Variants in IQCE observed in about 807,000 individuals in gnomAD.
IQCE encodes IQ domain-containing protein E.
In IQCE, 115 loss-of-function variants were observed where a neutral mutation model predicts 96.0. That is an observed-to-expected ratio of 1.20 (90% CI 1.03 to 1.40). The LOEUF (loss-of-function observed/expected upper bound fraction) is 1.40, where lower values mean the gene tolerates loss of function less well. Among genes scored for constraint, IQCE ranks in the 40% most tolerant of loss-of-function variants. IQCE has a pLI of 0.00. For synonymous variants in IQCE, 412 were observed against 371.2 expected (o/e 1.11, Z -1.26); for missense variants, 1,041 against 909.1 (o/e 1.15, Z -1.87).
At chr7:2,583,924 TGGGCGGCGGGGC>T (rs1782888136) in intron 10 of IQCE, among the ~76,000 whole-genome samples, 1 of 19,894 alleles carries the variant, frequency 5.0e-5, no homozygotes, top group Admixed American at 7.4e-4. Flanking sequence ...GGCACCGAGC[TGGGCGGCGGGGC>T]GGGCACCGAG....
At chr7:2,600,719 C>T (rs1418489776) in intron 17 of IQCE, among the ~76,000 whole-genome samples, 1 of 152,218 alleles carries the variant, frequency 6.6e-6, no homozygotes, top group Non-Finnish European at 1.5e-5. Flanking sequence ...GGGAAAGATC[C>T]TGTGTACAGT....
intron 3 of IQCE, 39 bp downstream of exon 3, chr7:2,569,038 G>A (rs1164002638): frequency 6.3e-6 from 10 of 1,584,456 alleles, no homozygotes; most frequent in Non-Finnish European, 6.9e-6. Context: ...TCACGCCGAC[G>A]TTCCCTGGTG....
chr7:2,570,702 TC>T (rs1320108036), intron 3 of IQCE, among the ~76,000 whole-genome samples: 1 of 152,220 alleles, frequency 6.6e-6, no homozygotes, highest in Non-Finnish European at 1.5e-5. Flanking sequence ...ACGTTTATTA[TC>T]TTTTTTATAC....
At chr7:2,605,432 A>G (rs1029010510) in intron 19 of IQCE, among the ~76,000 whole-genome samples, 1 of 152,054 alleles carries the variant, frequency 6.6e-6, no homozygotes, top group African/African-American at 2.4e-5. Context: ...CATCCTGGCT[A>G]ACATGGTGAA....
chr7:2,588,200 G>A (rs1334399761), intron 13 of IQCE, among the ~76,000 whole-genome samples: 6 of 152,184 alleles, frequency 3.9e-5, no homozygotes, highest in African/African-American at 1.2e-4. Flanking sequence ...CACCACTCAA[G>A]TCGTGTTGGA....
chr7:2,582,678 T>C (rs755808870), intron 9 of IQCE, 28 bp downstream of exon 9: 11 of 1,598,986 alleles, frequency 6.9e-6, no homozygotes, highest in Non-Finnish European at 9.4e-6. Context: ...CCCTCTCCCC[T>C]GCCTTCCGCC....
intron 3 of IQCE, among the ~76,000 whole-genome samples, chr7:2,570,970 A>G (rs990844938): frequency 6.6e-6 from 1 of 152,228 alleles, no homozygotes; most frequent in Non-Finnish European, 1.5e-5. Flanking sequence ...GAGAAATTAA[A>G]TGCTATAATA....
intron 14 of IQCE, among the ~76,000 whole-genome samples, chr7:2,591,928 CGG>C (rs1783620560): frequency 1.4e-5 from 2 of 143,240 alleles, no homozygotes; most frequent in Non-Finnish European, 3.1e-5. Context: ...GGGCCTGCCT[CGG>C]CCTCCCAAAG....
At chr7:2,566,931 A>G (rs752271079) in intron 1 of IQCE, among the ~76,000 whole-genome samples, 185 bp from the exon 2 acceptor site, 1 of 151,978 alleles carries the variant, frequency 6.6e-6, no homozygotes, top group African/African-American at 2.4e-5. Flanking sequence ...CCACCCACCC[A>G]TTCCTTCTGA....
At chr7:2,587,986 C>A in intron 13 of IQCE, 109 bp downstream of exon 13, 1 of 1,006,146 alleles carries the variant, frequency 9.9e-7, no homozygotes, top group Non-Finnish European at 1.6e-6. Flanking sequence ...TGGCTGTCTG[C>A]CAGGCAGCGC....
intron 6 of IQCE, among the ~76,000 whole-genome samples, chr7:2,576,070 C>T (rs773926877): frequency 6.6e-6 from 1 of 152,242 alleles, no homozygotes; most frequent in Non-Finnish European, 1.5e-5. Context: ...GCTATCATGC[C>T]TCCTGAATCT....
chr7:2,581,275 G>A (rs1266085968), intron 8 of IQCE, among the ~76,000 whole-genome samples: 1 of 151,858 alleles, frequency 6.6e-6, no homozygotes, highest in African/African-American at 2.4e-5. Context: ...GCGAGATCTC[G>A]ACTCACTGCA....
intron 21 of IQCE, among the ~76,000 whole-genome samples, chr7:2,608,329 C>G (rs62439499): frequency 0.041 from 6,227 of 152,310 alleles, 161 homozygotes; most frequent in Non-Finnish European, 0.061. Context: ...AGCCCGAGAG[C>G]CTTCCCTCCC....
At position 2,589,904 on chromosome 7, in the gene IQCE, CA is replaced by C. The variant is rs761330167; in HGVS notation, c.1045-2del. The stretch of plus-strand genomic sequence containing the variant: ...ATCTAACACATGTCTGTGTTGCCTC[CA>C]GAAACTAAGTGTGATGGAGAGCTCA... On this transcript the variant is annotated splice_acceptor_variant, in intron 13 of 21. Coordinates refer to ENST00000402050, the MANE Select transcript of IQCE (RefSeq NM_152558.5). LOFTEE classifies it high-confidence loss of function. 1.0e-4 allele frequency: 163 copies of C among 1,613,434 alleles called. No individual in the cohort carries two copies. The highest frequency in any genetic ancestry group is 1.3e-4 in the Non-Finnish European group (159 of 1,179,876).
chr7:2,579,700 GGTGT>G (rs68086038), intron 8 of IQCE, among the ~76,000 whole-genome samples: 7,524 of 132,868 alleles, frequency 0.057, 277 homozygotes, highest in Non-Finnish European at 0.078. Context: ...TTGTTCTGGT[GGTGT>G]GTGTGTGTGT....
At position 2,578,250 on chromosome 7, in the gene IQCE, C is replaced by T. The variant is rs375326268; in HGVS notation, c.474C>T (p.His158=). Residue 158 remains histidine, a synonymous_variant, in exon 7 of 22, where the codon CAC becomes CAT. Transcript: ENST00000402050. ...GCCCTTGTTTTCTTCAGTCATTGCA[C>T]GTGCAGAAGAGCGACGTGGACCTGA... The part of the protein sequence containing the change: ...DEIIELKKSL[H]VQKSDVDLMR... 7 of 1,612,860 alleles carry T rather than the reference C, an allele frequency of 4.3e-6. No homozygotes were observed. The highest frequency in any genetic ancestry group is 4.5e-5 in the East Asian group (2 of 44,872).
intron 18 of IQCE, 107 bp from the exon 19 acceptor site, chr7:2,604,774 C>CAA: frequency 2.7e-6 from 2 of 731,692 alleles, no homozygotes; most frequent in South Asian, 1.6e-5. Flanking sequence ...TGAAGGGAGT[C>CAA]ACGTTCCCTG....
chr7:2,602,456 T>G (rs1225925854), intron 18 of IQCE, among the ~76,000 whole-genome samples: 1 of 152,162 alleles, frequency 6.6e-6, no homozygotes, highest in African/African-American at 2.4e-5. Context: ...GTATTTCCAC[T>G]TAGACTGCAG....
intron 18 of IQCE, among the ~76,000 whole-genome samples, chr7:2,603,486 G>GC (rs1404649267): frequency 2.0e-5 from 3 of 152,046 alleles, no homozygotes; most frequent in South Asian, 2.1e-4. Context: ...TCTCCCTGGC[G>GC]CCCCCCATGC....
Sources: gnomAD v4.1 joint callset for allele counts (sites outside exome capture counted in the v4.1 genomes callset) on GRCh38, gnomAD v4.1.1 for gene constraint, MANE v1.5 for transcripts, NCBI Gene and HGNC (gene_info 2026-07-23, HGNC 2026-07-21) for gene names.